The following GPR83 variants were observed in gnomAD, a reference collection of about 807,000 sequenced individuals.
The protein encoded by GPR83 is G-protein coupled receptor 72.
In GPR83, 23 loss-of-function variants were observed where a neutral mutation model predicts 28.0. The observed-to-expected ratio is 0.82, with a 90% CI of 0.59 to 1.16. The LOEUF (loss-of-function observed/expected upper bound fraction) is 1.16, where lower values mean the gene tolerates loss of function less well. GPR83 is among the 50% of genes most tolerant of loss of function. GPR83 has a pLI of 0.00. For missense variants in GPR83, 610 were observed against 536.6 expected (o/e 1.14, Z -1.35); for synonymous variants, 234 against 215.4 (o/e 1.09, Z -0.76).
chr11:94,396,559 A>G (rs762496269), intron 1 of GPR83, 35 bp from the exon 2 acceptor site: 21 of 1,604,908 alleles, frequency 1.3e-5, no homozygotes, highest in Non-Finnish European at 1.8e-5. Context: ...GGAGACAGAC[A>G]GGCCTTGACT....
At chr11:94,394,186 C>T (rs1317780979) in intron 2 of GPR83, among the ~76,000 whole-genome samples, 1 of 152,156 alleles carries the variant, frequency 6.6e-6, no homozygotes, top group Non-Finnish European at 1.5e-5. Context: ...GACCTGAGCT[C>T]ATCTTCCCAT....
intron 3 of GPR83, among the ~76,000 whole-genome samples, chr11:94,381,422 G>A (rs1195251256): frequency 6.6e-6 from 1 of 152,084 alleles, no homozygotes; most frequent in East Asian, 1.9e-4. Flanking sequence ...TAGAAGGGCA[G>A]CCTGGATGTT....
Position 94,380,755 on chromosome 11 carries a change from G to C in GPR83, c.666C>G (p.Ser222=). ...GCTCAGGGAAGTCTGGCAGGCAGAG[G>C]GAGCGCACAATGTCCTCACTGGGGG... is the stretch of plus-strand genomic sequence containing the variant. The part of the protein sequence containing the change: ...TFKYSEDIVR[S]LCLPDFPEPA... Residue 222 remains serine (S), a synonymous_variant, in exon 4 of 4, where the codon TCC becomes TCG. Coordinates refer to ENST00000243673, the MANE Select transcript of GPR83 (RefSeq NM_016540.4). 4 of 1,610,962 alleles carry C rather than the reference G, an allele frequency of 2.5e-6. No individual in the cohort carries two copies. The highest frequency in any genetic ancestry group is 3.4e-6 in the Non-Finnish European group (4 of 1,179,284).
chr11:94,390,314 T>C (rs1442995118), intron 3 of GPR83, among the ~76,000 whole-genome samples: 1 of 148,568 alleles, frequency 6.7e-6, no homozygotes, highest in Non-Finnish European at 1.5e-5. Flanking sequence ...AAACTTAAAA[T>C]ATAAAAAAGA....
rs1378908129 is a variant in GPR83 at position 94,380,576 on chromosome 11, G to A, written c.845C>T (p.Ala282Val). Residue 282 changes from alanine to valine, a missense_variant, in exon 4 of 4, where the codon GCC becomes GTC. Coordinates refer to ENST00000243673, the MANE Select transcript of GPR83 (RefSeq NM_016540.4). The stretch of plus-strand genomic sequence containing the variant: ...GGTCTTCTTCTTTTTGCGCCGCAGG[G>A]CAAAGTACTGCTCTGTGGTCACATC... ...IGDVTTEQYF[A>V]LRRKKKKTIK... 3.7e-6 allele frequency: 6 copies of A among 1,614,012 alleles called. No individual in the cohort carries two copies. The highest frequency in any genetic ancestry group is 2.2e-5 in the East Asian group (1 of 44,892).
intron 1 of GPR83, among the ~76,000 whole-genome samples, chr11:94,400,424 A>G (rs1262287282): frequency 6.6e-6 from 1 of 150,970 alleles, no homozygotes. Context: ...GGAAGAGAGG[A>G]GAGGTGGGGA....
At chr11:94,390,112 T>C (rs1944801886) in intron 3 of GPR83, among the ~76,000 whole-genome samples, 2 of 151,886 alleles carry the variant, frequency 1.3e-5, no homozygotes, top group East Asian at 1.9e-4. Flanking sequence ...TAGGTGGGAA[T>C]TGAACAATGA....
At chr11:94,386,156 T>C (rs992908197) in intron 3 of GPR83, among the ~76,000 whole-genome samples, 1 of 152,152 alleles carries the variant, frequency 6.6e-6, no homozygotes, top group Non-Finnish European at 1.5e-5. Context: ...GCTGAGAGAC[T>C]CTGTCACCAC....
chr11:94,388,999 G>C (rs762535296), intron 3 of GPR83, among the ~76,000 whole-genome samples: 24 of 152,142 alleles, frequency 1.6e-4, no homozygotes, highest in Non-Finnish European at 3.2e-4. Context: ...GAACAGAACA[G>C]AGCCCTCAGA....
intron 3 of GPR83, among the ~76,000 whole-genome samples, chr11:94,383,374 G>A (rs745853488): frequency 6.6e-6 from 1 of 152,106 alleles, no homozygotes; most frequent in Admixed American, 6.6e-5. Flanking sequence ...GTGCCCACAA[G>A]AGAAAGCAGG....
intron 2 of GPR83, 141 bp downstream of exon 2, chr11:94,396,258 C>A (rs1374772094): frequency 1.3e-6 from 1 of 749,312 alleles, no homozygotes; most frequent in Non-Finnish European, 2.2e-6. Context: ...TATCCCTAAC[C>A]TATGTGTTCA....
At chr11:94,396,702 ATT>A (rs1944870501) in intron 1 of GPR83, among the ~76,000 whole-genome samples, 178 bp from the exon 2 acceptor site, 5 of 152,108 alleles carry the variant, frequency 3.3e-5, no homozygotes, top group African/African-American at 1.2e-4. Context: ...ATTTTCATTC[ATT>A]CAATTCAACA....
intron 3 of GPR83, among the ~76,000 whole-genome samples, chr11:94,390,512 G>A (rs1268010087): frequency 1.2e-4 from 18 of 152,074 alleles, no homozygotes; most frequent in East Asian, 3.9e-4. Flanking sequence ...ATATTCAAAT[G>A]GGAAGAGAGG....
chr11:94,400,788 G>T, intron 1 of GPR83, 73 bp downstream of exon 1: 1 of 1,413,930 alleles, frequency 7.1e-7, no homozygotes, highest in South Asian at 1.3e-5. Flanking sequence ...GAACGGCAGA[G>T]GGAGGCCAGA....
At chr11:94,397,145 G>T (rs1944874017) in intron 1 of GPR83, among the ~76,000 whole-genome samples, 1 of 152,142 alleles carries the variant, frequency 6.6e-6, no homozygotes, top group East Asian at 1.9e-4. Context: ...TCATCATCTG[G>T]GGAGGACACC....
intron 2 of GPR83, among the ~76,000 whole-genome samples, chr11:94,394,708 C>G (rs1310188978): frequency 1.3e-5 from 2 of 152,138 alleles, no homozygotes; most frequent in African/African-American, 4.8e-5. Flanking sequence ...GCACATCTCC[C>G]TTCTGGATTC....
chr11:94,388,997 C>T (rs1022525368), intron 3 of GPR83, among the ~76,000 whole-genome samples: 154 of 152,232 alleles, frequency 1.0e-3, no homozygotes, highest in African/African-American at 3.4e-3. Flanking sequence ...TGGAACAGAA[C>T]AGAGCCCTCA....
chr11:94,391,299 T>C (rs774893941), intron 3 of GPR83, among the ~76,000 whole-genome samples: 6 of 152,058 alleles, frequency 3.9e-5, no homozygotes, highest in Non-Finnish European at 7.4e-5. Flanking sequence ...GGACCCCCTC[T>C]TTACACCTTA....
At chr11:94,386,843 G>T (rs1314886509) in intron 3 of GPR83, among the ~76,000 whole-genome samples, 2 of 152,180 alleles carry the variant, frequency 1.3e-5, no homozygotes, top group African/African-American at 2.4e-5. Flanking sequence ...GACATCTACA[G>T]AACTCTCCAC....
Sources: allele counts gnomAD v4.1 joint callset (sites outside exome capture counted in the v4.1 genomes callset), GRCh38; gene constraint gnomAD v4.1.1; transcripts MANE v1.5; gene names NCBI Gene and HGNC (gene_info 2026-07-23, HGNC 2026-07-21).